Variants in GSG1L observed in about 807,000 individuals in gnomAD.
The protein encoded by GSG1L is germ cell-specific gene 1-like protein.
Under a neutral mutation model 42.1 loss-of-function variants are expected in GSG1L, and 24 were observed. That is an observed-to-expected ratio of 0.57 (90% CI 0.41 to 0.80). The LOEUF (loss-of-function observed/expected upper bound fraction) is 0.80, where lower values mean the gene tolerates loss of function less well. GSG1L is among the 30% of genes least tolerant of loss of function. The pLI, the probability that GSG1L is intolerant of heterozygous loss-of-function variation, is 0.00. For synonymous variants in GSG1L, 215 were observed against 203.5 expected (o/e 1.06, Z -0.48); for missense variants, 445 against 472.2 (o/e 0.94, Z 0.53).
chr16:27,797,339 A>T (rs2082828317), intron 6 of GSG1L, among the ~76,000 whole-genome samples: 1 of 151,758 alleles, frequency 6.6e-6, no homozygotes, highest in African/African-American at 2.4e-5. Flanking sequence ...TCTGGCCAAC[A>T]TGGTGAAAAC....
chr16:27,886,010 C>T (rs1156825309), intron 2 of GSG1L, among the ~76,000 whole-genome samples: 1 of 152,192 alleles, frequency 6.6e-6, no homozygotes, highest in Non-Finnish European at 1.5e-5. Context: ...TACATGGATG[C>T]TTTGCAGCTG....
chr16:27,947,540 G>GAAA (rs2084893028), intron 2 of GSG1L, among the ~76,000 whole-genome samples: 23 of 97,098 alleles, frequency 2.4e-4, no homozygotes, highest in South Asian at 4.0e-4. Flanking sequence ...AAAGAATGAA[G>GAAA]GAAAGAAAGA....
chr16:27,909,361 T>C (rs890805375), intron 2 of GSG1L, among the ~76,000 whole-genome samples: 2 of 150,638 alleles, frequency 1.3e-5, no homozygotes, highest in Non-Finnish European at 2.9e-5. Context: ...TTCTTTTTTC[T>C]TTCTTTCTTT....
At chr16:27,923,749 GAAGAAAGA>G (rs757945227) in intron 2 of GSG1L, among the ~76,000 whole-genome samples, 2 of 138,608 alleles carry the variant, frequency 1.4e-5, no homozygotes, top group African/African-American at 2.7e-5. Flanking sequence ...AAAAAAAAAG[GAAGAAAGA>G]AAGAAAGAAA....
At chr16:27,849,222 A>AAAAAAG (rs1567485114) in intron 3 of GSG1L, among the ~76,000 whole-genome samples, 1 of 146,382 alleles carries the variant, frequency 6.8e-6, no homozygotes, top group Non-Finnish European at 1.5e-5. Flanking sequence ...AAAAAAAAAA[A>AAAAAAG]AGAGAAAAGA....
chr16:27,928,791 G>T lies in GSG1L; in HGVS notation c.397+34365C>A, dbSNP rs2084625309. ...AGCTGTCCTGATCTCTATCCCAAGA[G>T]ACCAGACACCAGCCGGCGCTCCACT... is the stretch of plus-strand genomic sequence containing the variant. On this transcript the variant is annotated intron_variant, in intron 2 of 6. Coordinates refer to ENST00000447459, the MANE Select transcript of GSG1L (RefSeq NM_001109763.2). 3.3e-5 allele frequency among the ~76,000 whole-genome samples: 5 copies of T among 152,356 alleles called. No individual in the cohort carries two copies. In the South Asian group the frequency reaches 8.3e-4, roughly 25 times the overall value.
intron 2 of GSG1L, among the ~76,000 whole-genome samples, chr16:27,959,245 T>A (rs1275547345): frequency 6.7e-6 from 1 of 149,328 alleles, no homozygotes; most frequent in East Asian, 2.0e-4. Flanking sequence ...ATCGTTTGAG[T>A]CCAGGAGTTT....
chr16:27,916,122 G>C (rs2084452318), intron 2 of GSG1L, among the ~76,000 whole-genome samples: 1 of 152,028 alleles, frequency 6.6e-6, no homozygotes, highest in South Asian at 2.1e-4. Flanking sequence ...CACCCAATGA[G>C]GAAAAAAGGC....
chr16:27,991,725 T>C (rs1246865213), intron 1 of GSG1L, among the ~76,000 whole-genome samples: 1 of 152,138 alleles, frequency 6.6e-6, no homozygotes, highest in Non-Finnish European at 1.5e-5. Context: ...CTATTCAAAT[T>C]ATTAATGCTA....
chr16:27,809,570 C>T (rs1252100162), intron 5 of GSG1L, among the ~76,000 whole-genome samples: 1 of 122,588 alleles, frequency 8.2e-6, no homozygotes, highest in Admixed American at 9.4e-5. Flanking sequence ...AAGTGAGACC[C>T]CGTCTGAGAA....
At chr16:28,039,115 A>G (rs925904049) in intron 1 of GSG1L, among the ~76,000 whole-genome samples, 1 of 152,170 alleles carries the variant, frequency 6.6e-6, no homozygotes, top group Non-Finnish European at 1.5e-5. Context: ...TGCCAATCCT[A>G]GTTATTGATA....
chr16:27,973,921 G>A (rs2085223788), intron 1 of GSG1L, among the ~76,000 whole-genome samples: 1 of 152,136 alleles, frequency 6.6e-6, no homozygotes, highest in Non-Finnish European at 1.5e-5. Flanking sequence ...CTGGGTCCTG[G>A]CCCTGCGCCT....
intron 1 of GSG1L, among the ~76,000 whole-genome samples, chr16:28,024,321 G>C (rs554085603): frequency 6.6e-6 from 1 of 152,170 alleles, no homozygotes; most frequent in Admixed American, 6.5e-5. Flanking sequence ...AAATTAGCTC[G>C]AAATGGAATC....
Position 28,063,171 on chromosome 16 carries a change from G to A in GSG1L, c.254C>T (p.Ala85Val), listed in dbSNP as rs1375715924. 1 of 1,357,022 alleles carries A rather than the reference G, an allele frequency of 7.4e-7. No homozygotes were observed. The highest frequency in any genetic ancestry group is 9.5e-7 in the Non-Finnish European group (1 of 1,048,058). The allele number at this position is 1,357,022 out of a possible 1,614,324, so 84.1% of individuals were successfully genotyped here. A position where few individuals can be genotyped will look rare whatever the true frequency, so the allele number is the denominator to read the frequency against. Reference sequence around the variant, plus strand: ...GTCGCCGGTCTCCCAGCTGTAGAGCGCGCCGCCAGGGGGGCCGTTCCCCGA... The same window carrying A: ...GTCGCCGGTCTCCCAGCTGTAGAGCACGCCGCCAGGGGGGCCGTTCCCCGA... The part of the protein sequence containing the change: ...TASGNGPPGG[A>V]LYSWETGDDR... Residue 85 changes from alanine to valine, a missense_variant, in exon 1 of 7, where the codon GCG becomes GTG. Around this residue, in one of 3 missense-constraint regions of GSG1L, gnomAD observed 149 missense variants for 223.3 expected, o/e 0.67. Transcript: ENST00000447459. The surrounding 1 kb of genome is among the most constrained non-coding windows in gnomAD (Gnocchi z 5.8).
At chr16:27,968,556 A>G (rs2085159322) in intron 1 of GSG1L, among the ~76,000 whole-genome samples, 1 of 152,008 alleles carries the variant, frequency 6.6e-6, no homozygotes, top group East Asian at 1.9e-4. Flanking sequence ...CGGCCCTAAA[A>G]CATTTTCATG....
intron 2 of GSG1L, among the ~76,000 whole-genome samples, chr16:27,934,090 G>A (rs1282810384): frequency 6.6e-6 from 1 of 152,232 alleles, no homozygotes; most frequent in Non-Finnish European, 1.5e-5. Flanking sequence ...AGCAGAGAAG[G>A]CAGGGCGGGG....
chr16:27,861,759 C>T (rs1257052413), intron 3 of GSG1L, among the ~76,000 whole-genome samples: 1 of 152,160 alleles, frequency 6.6e-6, no homozygotes, highest in Non-Finnish European at 1.5e-5. Context: ...GCACTGTTTC[C>T]ACTGCTTGAG....
chr16:28,016,488 T>G lies in GSG1L; in HGVS notation c.349+46588A>C, dbSNP rs573384349. 3.9e-5 allele frequency among the ~76,000 whole-genome samples: 6 copies of G among 152,304 alleles called. No individual in the cohort carries two copies. The South Asian group carries it at 1.2e-3, about 32-fold the overall frequency. ...TTGTTATTGATTTTGTTAGCTAGTTTGGAGCTTAGTGCAATCTTCCCTAGG... is the reference window on the plus strand; with the variant it reads ...TTGTTATTGATTTTGTTAGCTAGTTGGGAGCTTAGTGCAATCTTCCCTAGG... On this transcript the variant is annotated intron_variant, in intron 1 of 6. Coordinates refer to ENST00000447459, the MANE Select transcript of GSG1L (RefSeq NM_001109763.2).
At chr16:28,031,249 A>T (rs867895226) in intron 1 of GSG1L, among the ~76,000 whole-genome samples, 9 of 66,988 alleles carry the variant, frequency 1.3e-4, no homozygotes, top group Non-Finnish European at 2.7e-4. Context: ...ATGGGGTGGG[A>T]TAAGATGGAA....
Sources: gnomAD v4.1 joint callset for allele counts (sites outside exome capture counted in the v4.1 genomes callset) on GRCh38, gnomAD v4.1.1 for gene constraint, gnomAD v4.1.1 regional missense constraint, Gnocchi (gnomAD v3.1) non-coding constraint, MANE v1.5 for transcripts, NCBI Gene and HGNC (gene_info 2026-07-23, HGNC 2026-07-21) for gene names.